The following MID1 variants were observed in gnomAD, a reference collection of about 807,000 sequenced individuals.
MID1 encodes the protein midline 1, also known as E3 ubiquitin-protein ligase Midline-1.
Under a neutral mutation model 40.4 loss-of-function variants are expected in MID1, and 7 were observed. The observed-to-expected ratio is 0.17, with a 90% CI of 0.10 to 0.33. MID1 has a LOEUF of 0.33. Among genes scored for constraint, MID1 ranks in the 10% least tolerant of loss-of-function variants. MID1 has a pLI of 1.00. For synonymous variants in MID1, 229 were observed against 221.2 expected (o/e 1.04, Z -0.31); for missense variants, 367 against 558.5 (o/e 0.66, Z 3.46).
intron 1 of MID1, among the ~76,000 whole-genome samples, chrX:10,795,599 T>C (rs1569172303): frequency 8.9e-6 from 1 of 112,668 alleles, no homozygotes; most frequent in Non-Finnish European, 1.9e-5. Flanking sequence ...ATCTTAAAAC[T>C]GGTTTCAAAC....
chrX:10,711,624 T>A (rs1421098010), intron 1 of MID1, among the ~76,000 whole-genome samples: 18 of 111,969 alleles, frequency 1.6e-4, no homozygotes, highest in Non-Finnish European at 3.4e-4. Context: ...TTTCCCCTCT[T>A]AGAAAAAAAG....
chrX:10,482,694 G>A (rs1479805417), intron 4 of MID1, 66 bp from the exon 5 acceptor site: 2 of 1,078,311 alleles, frequency 1.9e-6, no homozygotes, highest in African/African-American at 3.6e-5. Context: ...AAAGGCATCA[G>A]GCTGGATCCT....
intron 1 of MID1, among the ~76,000 whole-genome samples, chrX:10,719,377 A>T (rs1421242184): frequency 9.0e-6 from 1 of 111,709 alleles, no homozygotes; most frequent in East Asian, 2.8e-4. Flanking sequence ...ATGTGCAAAA[A>T]CCACAAGCAT....
At chrX:10,674,275 T>G (rs1398848147) in intron 1 of MID1, among the ~76,000 whole-genome samples, 1 of 112,543 alleles carries the variant, frequency 8.9e-6, no homozygotes, top group Non-Finnish European at 1.9e-5. Flanking sequence ...GTAACATATT[T>G]TAATGTATCA....
intron 1 of MID1, among the ~76,000 whole-genome samples, chrX:10,681,014 A>G (rs2043055556): frequency 1.0e-5 from 1 of 98,147 alleles, no homozygotes; most frequent in East Asian, 3.2e-4. Flanking sequence ...TGACAGAGCC[A>G]GACCCTGTCT....
At chrX:10,821,553 C>T (rs1474254597) in intron 1 of MID1, among the ~76,000 whole-genome samples, 1 of 112,151 alleles carries the variant, frequency 8.9e-6, no homozygotes, top group South Asian at 3.7e-4. Flanking sequence ...CTTATTCTTG[C>T]TTTCTTCTAA....
chrX:10,833,648 G>T (rs2044266066), upstream of MID1: 1 of 112,386 alleles, frequency 8.9e-6, no homozygotes, highest in South Asian at 3.7e-4. Flanking sequence ...GCTGGGCTGG[G>T]GCAAGTGCCG....
intron 1 of MID1, among the ~76,000 whole-genome samples, chrX:10,617,538 T>TA (rs1294646657): frequency 2.9e-4 from 32 of 112,166 alleles, no homozygotes; most frequent in African/African-American, 9.4e-4. Context: ...CTTCTTCCCT[T>TA]AGAGTTTTTT....
intron 1 of MID1, among the ~76,000 whole-genome samples, chrX:10,763,232 T>C (rs1204209949): frequency 9.1e-6 from 1 of 109,739 alleles, no homozygotes; most frequent in Non-Finnish European, 1.9e-5. Flanking sequence ...GTTACATATG[T>C]ATACATGTGC....
chrX:10,796,253 G>A (rs981865694), intron 1 of MID1, among the ~76,000 whole-genome samples: 1 of 111,946 alleles, frequency 8.9e-6, no homozygotes, highest in African/African-American at 3.2e-5. Flanking sequence ...GCTGGCCAAT[G>A]TGACACACTT....
chrX:10,801,882 C>T (rs1473531596), intron 1 of MID1, among the ~76,000 whole-genome samples: 1 of 111,933 alleles, frequency 8.9e-6, no homozygotes, highest in East Asian at 2.8e-4. Context: ...TTCTGTACAG[C>T]AAAAGAAACT....
intron 3 of MID1, among the ~76,000 whole-genome samples, chrX:10,519,656 T>C (rs762301510): frequency 1.8e-5 from 2 of 112,124 alleles, no homozygotes; most frequent in East Asian, 5.6e-4. Flanking sequence ...CTCTGATTCC[T>C]CCCTTTCTTT....
intron 1 of MID1, among the ~76,000 whole-genome samples, chrX:10,715,204 CAGTGGGTGCAGT>C (rs1371941324): frequency 5.4e-5 from 6 of 112,040 alleles, no homozygotes; most frequent in African/African-American, 1.9e-4. Flanking sequence ...GGGTGCAGGA[CAGTGGGTGCAGT>C]GCACCGAGCC....
chrX:10,476,411 C>G (rs1229601065), intron 5 of MID1, among the ~76,000 whole-genome samples: 1 of 110,521 alleles, frequency 9.0e-6, no homozygotes, highest in Non-Finnish European at 1.9e-5. Context: ...AAGCGATCAC[C>G]CTTTGGGAGG....
intron 1 of MID1, among the ~76,000 whole-genome samples, chrX:10,705,527 T>G (rs904890148): frequency 1.6e-4 from 18 of 112,416 alleles, no homozygotes; most frequent in African/African-American, 5.8e-4. Context: ...TCTTTAACTC[T>G]GTGCCTGGTA....
At chrX:10,484,213 C>A (rs1391833011) in intron 4 of MID1, among the ~76,000 whole-genome samples, 1 of 112,224 alleles carries the variant, frequency 8.9e-6, no homozygotes, top group East Asian at 2.8e-4. Context: ...AATTTACAGT[C>A]CACAGGACAA....
At chrX:10,599,861 AGACAGGGTTTAGCCTT>A (rs1569123182) in intron 1 of MID1, among the ~76,000 whole-genome samples, 1 of 112,410 alleles carries the variant, frequency 8.9e-6, no homozygotes, top group South Asian at 3.7e-4. Context: ...CCCTTCCTTA[AGACAGGGTTTAGCCTT>A]GACAGTTAGA....
intron 1 of MID1, among the ~76,000 whole-genome samples, chrX:10,655,939 T>C (rs1489866419): frequency 1.8e-5 from 2 of 110,737 alleles, no homozygotes; most frequent in Non-Finnish European, 1.9e-5. Flanking sequence ...AGCAGAAGAA[T>C]TGCCCAGCTG....
intron 1 of MID1, among the ~76,000 whole-genome samples, chrX:10,667,204 T>C (rs1174809732): frequency 2.7e-5 from 3 of 111,661 alleles, no homozygotes; most frequent in Non-Finnish European, 5.6e-5. Context: ...CACTTTGAGA[T>C]GTAATCATCT....
Sources: gnomAD v4.1 joint callset for allele counts (sites outside exome capture counted in the v4.1 genomes callset) on GRCh38, gnomAD v4.1.1 for gene constraint, MANE v1.5 for transcripts, NCBI Gene and HGNC (gene_info 2026-07-23, HGNC 2026-07-21) for gene names.